TIAM2: variants seen among roughly 807,000 people sequenced by gnomAD.
TIAM2 encodes the protein TIAM Rac1 associated GEF 2.
In TIAM2, 80 loss-of-function variants were observed where a neutral mutation model predicts 152.9. That is an observed-to-expected ratio of 0.52 (90% CI 0.44 to 0.63). The LOEUF (loss-of-function observed/expected upper bound fraction) is 0.63, where lower values mean the gene tolerates loss of function less well. TIAM2 is among the 30% of genes least tolerant of loss of function. The pLI, the probability that TIAM2 is intolerant of heterozygous loss-of-function variation, is 0.00. For missense variants in TIAM2, 1,965 were observed against 2,120.1 expected (o/e 0.93, Z 1.44); for synonymous variants, 804 against 838.0 (o/e 0.96, Z 0.70).
At chr6:155,191,878 A>G (rs1464039804) in intron 14 of TIAM2, among the ~76,000 whole-genome samples, 1 of 152,186 alleles carries the variant, frequency 6.6e-6, no homozygotes, top group Non-Finnish European at 1.5e-5. Flanking sequence ...GTCTTAGTAC[A>G]TGGCTATGGT....
At chr6:155,062,732 T>A (rs1777614034) in intron 1 of TIAM2, among the ~76,000 whole-genome samples, 1 of 151,816 alleles carries the variant, frequency 6.6e-6, no homozygotes, top group South Asian at 2.1e-4. Flanking sequence ...GTACCCACCA[T>A]GCCCAGCTAA....
At chr6:155,124,560 C>T (rs1287757655) in intron 2 of TIAM2, among the ~76,000 whole-genome samples, 1 of 150,840 alleles carries the variant, frequency 6.6e-6, no homozygotes, top group Non-Finnish European at 1.5e-5. Context: ...GAACTCCCGA[C>T]CTCAGGTGAT....
intron 1 of TIAM2, among the ~76,000 whole-genome samples, chr6:155,079,298 G>T (rs543375781): frequency 8.3e-4 from 127 of 152,272 alleles, no homozygotes; most frequent in African/African-American, 3.0e-3. Flanking sequence ...CTGACCTCAG[G>T]TAATCTTCCG....
At chr6:155,071,495 A>G (rs543729659) in intron 1 of TIAM2, among the ~76,000 whole-genome samples, 53 of 152,262 alleles carry the variant, frequency 3.5e-4, no homozygotes, top group Non-Finnish European at 6.0e-4. Context: ...GCAAAGACTC[A>G]TTGAACAGAG....
At chr6:154,997,050 C>T (rs1778225537) in intron 1 of TIAM2, among the ~76,000 whole-genome samples, 1 of 152,146 alleles carries the variant, frequency 6.6e-6, no homozygotes, top group Non-Finnish European at 1.5e-5. Context: ...TTTCCAGTTC[C>T]ATCTACTGAC....
intron 15 of TIAM2, among the ~76,000 whole-genome samples, chr6:155,225,038 C>A (rs1782194640): frequency 6.6e-6 from 1 of 152,186 alleles, no homozygotes; most frequent in Non-Finnish European, 1.5e-5. Flanking sequence ...TGACTGCAAC[C>A]TTTGCCTTCC....
intron 1 of TIAM2, among the ~76,000 whole-genome samples, chr6:155,002,587 T>C (rs1423600706): frequency 1.3e-5 from 2 of 152,176 alleles, no homozygotes; most frequent in Non-Finnish European, 2.9e-5. Flanking sequence ...GCTTCTTAGG[T>C]ACTTGTGTCT....
At chr6:155,121,074 T>C (rs1179581416) in intron 2 of TIAM2, among the ~76,000 whole-genome samples, 1 of 152,076 alleles carries the variant, frequency 6.6e-6, no homozygotes, top group African/African-American at 2.4e-5. Flanking sequence ...CAAAATGAAA[T>C]GCTAAAACCT....
At chr6:155,031,926 G>A (rs1776828543) in intron 1 of TIAM2, among the ~76,000 whole-genome samples, 2 of 152,134 alleles carry the variant, frequency 1.3e-5, no homozygotes, top group Non-Finnish European at 2.9e-5. Context: ...TTAATTTGAG[G>A]TATCTATGAA....
chr6:155,046,364 T>G (rs1777175330), intron 1 of TIAM2, among the ~76,000 whole-genome samples: 2 of 124,430 alleles, frequency 1.6e-5, no homozygotes, highest in South Asian at 2.7e-4. Flanking sequence ...TGAGATGGAG[T>G]TGCACTGTAC....
intron 1 of TIAM2, among the ~76,000 whole-genome samples, chr6:155,032,277 A>G (rs1776839872): frequency 1.3e-5 from 2 of 152,194 alleles, no homozygotes; most frequent in Non-Finnish European, 2.9e-5. Flanking sequence ...GAAAGCTTCC[A>G]TTGTGATCCT....
At chr6:155,251,050 C>T in intron 22 of TIAM2, 29 bp downstream of exon 22, 1 of 1,590,440 alleles carries the variant, frequency 6.3e-7, no homozygotes, top group Non-Finnish European at 8.6e-7. Context: ...AGAATGCAGA[C>T]TGAACAGAGG....
intron 4 of TIAM2, among the ~76,000 whole-genome samples, chr6:155,134,077 A>G (rs1015259658): frequency 2.0e-5 from 3 of 152,084 alleles, no homozygotes; most frequent in Non-Finnish European, 4.4e-5. Context: ...ATCAAGTTAC[A>G]TTAGCCCTTG....
chr6:155,051,499 G>T (rs1353288556), intron 1 of TIAM2, among the ~76,000 whole-genome samples: 1 of 152,168 alleles, frequency 6.6e-6, no homozygotes, highest in Non-Finnish European at 1.5e-5. Context: ...GGGTAAAAAT[G>T]CACTGTTAAT....
chr6:155,003,025 T>A (rs1409387508), intron 1 of TIAM2, among the ~76,000 whole-genome samples: 1 of 152,130 alleles, frequency 6.6e-6, no homozygotes, highest in Non-Finnish European at 1.5e-5. Flanking sequence ...CACTTTTATA[T>A]CCAGCCTGGT....
intron 1 of TIAM2, among the ~76,000 whole-genome samples, chr6:154,996,977 A>G (rs1778223730): frequency 6.6e-6 from 1 of 150,932 alleles, no homozygotes; most frequent in African/African-American, 2.4e-5. Flanking sequence ...ATGACCTCAG[A>G]ATCAGCTTTC....
chr6:155,086,019 T>C (rs557525598), intron 1 of TIAM2, among the ~76,000 whole-genome samples: 39 of 152,326 alleles, frequency 2.6e-4, no homozygotes, highest in African/African-American at 8.9e-4. Flanking sequence ...CACTGCAAAT[T>C]CTCCCTTAAA....
chr6:155,109,595 A>G (rs1778786554), intron 2 of TIAM2, among the ~76,000 whole-genome samples: 1 of 152,228 alleles, frequency 6.6e-6, no homozygotes, highest in Non-Finnish European at 1.5e-5. Context: ...GCTTACAAAT[A>G]TCAGGAGGCT....
intron 2 of TIAM2, among the ~76,000 whole-genome samples, chr6:155,095,108 C>A (rs1357556587): frequency 2.0e-5 from 3 of 152,086 alleles, no homozygotes; most frequent in Non-Finnish European, 4.4e-5. Flanking sequence ...TTGCACACGT[C>A]TGTGATCTAT....
Sources: allele counts gnomAD v4.1 joint callset (sites outside exome capture counted in the v4.1 genomes callset), GRCh38; gene constraint gnomAD v4.1.1; transcripts MANE v1.5; gene names NCBI Gene and HGNC (gene_info 2026-07-23, HGNC 2026-07-21).